Variants in TMEM132B observed in about 807,000 individuals in gnomAD.
TMEM132B encodes the protein transmembrane protein 132B.
Under a neutral mutation model 90.8 loss-of-function variants are expected in TMEM132B, and 18 were observed. The ratio of observed to expected loss-of-function variants is 0.20; its 90% CI spans 0.14 to 0.29. The LOEUF (loss-of-function observed/expected upper bound fraction) is 0.29. TMEM132B is among the 10% of genes least tolerant of loss of function. The pLI is 1.00. For missense variants in TMEM132B, 1,096 were observed against 1,326.8 expected (o/e 0.83, Z 2.70); for synonymous variants, 504 against 523.3 (o/e 0.96, Z 0.50).
rs762678510 is a variant in TMEM132B, at chr12:125,415,432, A to T, written c.960-99A>T. On this transcript the variant is annotated intron_variant, in intron 2 of 8. Transcript: ENST00000682704. The surrounding 1 kb of genome is among the most constrained non-coding windows in gnomAD (Gnocchi z 5.3). Reference sequence around the variant, plus strand: ...CCAGAGGAAGGGGGCGATGTTACAGATGCTTTCCCAGTGATCTGCTCTCGT... The same window carrying T: ...CCAGAGGAAGGGGGCGATGTTACAGTTGCTTTCCCAGTGATCTGCTCTCGT... The T allele has an allele frequency of 7.7e-6, 11 of 1,421,482 alleles. No homozygotes were observed. Among genetic ancestry groups the T allele is most frequent in the Non-Finnish European group, 1.0e-5 (11 of 1,056,822 alleles). 88.1% of individuals were successfully genotyped at this position (1,421,482 alleles called of 1,614,324 possible).
chr12:125,438,427 G>A (rs1054939643), intron 3 of TMEM132B, among the ~76,000 whole-genome samples: 3 of 152,196 alleles, frequency 2.0e-5, no homozygotes, highest in African/African-American at 7.2e-5. Context: ...CAGGTGCGTG[G>A]TATGGCCAGG....
At position 125,432,485 on chromosome 12, in the gene TMEM132B, ATG is replaced by A. The variant is rs1555248822; in HGVS notation, c.1106+16810_1106+16811del. Among the ~76,000 whole-genome samples, 22 of 78,264 alleles carry A rather than the reference ATG, an allele frequency of 2.8e-4. 3 individuals are homozygous for A. The highest frequency in any genetic ancestry group is 1.7e-3 in the African/African-American group (22 of 12,868). The allele number at this position is 78,264 out of a possible 152,430, so 51.3% of individuals were successfully genotyped here. On this transcript the variant is annotated intron_variant, in intron 3 of 8. Coordinates refer to ENST00000682704, the MANE Select transcript of TMEM132B (RefSeq NM_001366854.1). ...TGTATATATATGTATGTGTATATAT[ATG>A]TATGTGTATATATATGTGTGTGTGT...
chr12:125,515,591 TCA>T (rs749950020), intron 3 of TMEM132B, among the ~76,000 whole-genome samples: 31 of 150,132 alleles, frequency 2.1e-4, no homozygotes, highest in South Asian at 1.3e-3. Context: ...ACATTCCCTC[TCA>T]CACACACTCA....
At chr12:125,253,978 A>G (rs1282331425) in intron 1 of TMEM132B, among the ~76,000 whole-genome samples, 1 of 152,102 alleles carries the variant, frequency 6.6e-6, no homozygotes, top group Non-Finnish European at 1.5e-5. Context: ...AAATGGGCGA[A>G]GGAGGGAAGG....
intron 3 of TMEM132B, among the ~76,000 whole-genome samples, chr12:125,517,341 T>TGCA (rs1566060718): frequency 2.7e-5 from 1 of 37,644 alleles, no homozygotes; most frequent in Non-Finnish European, 4.3e-5. Flanking sequence ...TTTTTTTTTT[T>TGCA]TTTTTTTTTT....
At chr12:125,619,900 G>A (rs1268068149) in intron 5 of TMEM132B, among the ~76,000 whole-genome samples, 5 of 152,188 alleles carry the variant, frequency 3.3e-5, no homozygotes, top group Admixed American at 3.3e-4. Context: ...GTTGAAACAA[G>A]CACCCTCTGT....
intron 4 of TMEM132B, among the ~76,000 whole-genome samples, chr12:125,534,010 A>T (rs1026628802): frequency 6.6e-6 from 1 of 152,228 alleles, no homozygotes; most frequent in African/African-American, 2.4e-5. Context: ...AAGTCCACGT[A>T]TGGGCAGAGA....
chr12:125,488,515 C>G (rs1289554090), intron 3 of TMEM132B, among the ~76,000 whole-genome samples: 1 of 152,086 alleles, frequency 6.6e-6, no homozygotes, highest in Non-Finnish European at 1.5e-5. Context: ...GTGAATGAGT[C>G]TCATGAGATC....
intron 1 of TMEM132B, among the ~76,000 whole-genome samples, chr12:125,238,184 A>G (rs888581625): frequency 6.6e-6 from 1 of 151,406 alleles, no homozygotes; most frequent in Non-Finnish European, 1.5e-5. Flanking sequence ...AGGTTATTGC[A>G]TATTTTCTCT....
At chr12:125,491,644 C>G (rs951832008) in intron 3 of TMEM132B, among the ~76,000 whole-genome samples, 5 of 152,248 alleles carry the variant, frequency 3.3e-5, no homozygotes, top group African/African-American at 1.2e-4. Context: ...CACCAGAGAA[C>G]CCACTGTGGA....
At chr12:125,499,162 T>C (rs1433844793) in intron 3 of TMEM132B, among the ~76,000 whole-genome samples, 5 of 152,242 alleles carry the variant, frequency 3.3e-5, no homozygotes. Context: ...CTGCTGTCTG[T>C]GTAGACATTT....
intron 1 of TMEM132B, among the ~76,000 whole-genome samples, chr12:125,305,525 C>T (rs919921078): frequency 1.3e-5 from 2 of 152,200 alleles, no homozygotes; most frequent in Admixed American, 6.5e-5. Context: ...TCCATGGCAT[C>T]GCGGACAGTT....
chr12:125,390,214 A>T (rs1196751051), intron 2 of TMEM132B, among the ~76,000 whole-genome samples: 1 of 152,272 alleles, frequency 6.6e-6, no homozygotes, highest in Non-Finnish European at 1.5e-5. Flanking sequence ...TTATTTATAA[A>T]GGCCCCAAAC....
chr12:125,313,914 C>T (rs751864222), intron 1 of TMEM132B, among the ~76,000 whole-genome samples: 5 of 151,646 alleles, frequency 3.3e-5, no homozygotes, highest in Non-Finnish European at 5.9e-5. Flanking sequence ...TCCTGTGTGT[C>T]GCCAAAGTGT....
chr12:125,548,748 A>G (rs1426380748), intron 4 of TMEM132B, among the ~76,000 whole-genome samples: 2 of 152,340 alleles, frequency 1.3e-5, no homozygotes, highest in Middle Eastern at 3.4e-3. Context: ...AGGAGTTGAC[A>G]TGGTTTATGT....
chr12:125,255,464 A>C (rs996133743), intron 1 of TMEM132B, among the ~76,000 whole-genome samples: 4 of 152,216 alleles, frequency 2.6e-5, no homozygotes, highest in Non-Finnish European at 5.9e-5. Flanking sequence ...AAAAATCCGC[A>C]GACTTTCCTA....
At chr12:125,413,816 A>G (rs150586998) in intron 2 of TMEM132B, among the ~76,000 whole-genome samples, 2 of 152,268 alleles carry the variant, frequency 1.3e-5, no homozygotes, top group African/African-American at 2.4e-5. Flanking sequence ...GTGTACAAGT[A>G]TTTGTTTGAG....
At chr12:125,495,379 C>T (rs562991089) in intron 3 of TMEM132B, among the ~76,000 whole-genome samples, 1 of 151,968 alleles carries the variant, frequency 6.6e-6, no homozygotes, top group South Asian at 2.1e-4. Flanking sequence ...CCGTGTCCCT[C>T]CAAGGCTGTA....
In TMEM132B at chr12:125,585,450, T is replaced by A. The variant is rs551302795; in HGVS notation, c.1437+1456T>A. On this transcript the variant is annotated intron_variant, in intron 5 of 8. Coordinates refer to ENST00000682704, the MANE Select transcript of TMEM132B (RefSeq NM_001366854.1). ...GGTTGCTATTGACAATGCGCAAGTTTTACACTATTTTTACTATTCCCATGT... is the reference window on the plus strand; with the variant it reads ...GGTTGCTATTGACAATGCGCAAGTTATACACTATTTTTACTATTCCCATGT... The A allele has an allele frequency of 1.3e-3, 204 of 152,320 alleles. 1 individual carries two copies. The highest frequency in any genetic ancestry group is 4.6e-3 in the African/African-American group (193 of 41,566). 9.4% of individuals were successfully genotyped at this position (152,320 alleles called of 1,614,324 possible). A position where few individuals can be genotyped will look rare whatever the true frequency, so the allele number is the denominator to read the frequency against.
Sources: gnomAD v4.1 joint callset for allele counts (sites outside exome capture counted in the v4.1 genomes callset) on GRCh38, gnomAD v4.1.1 for gene constraint, Gnocchi (gnomAD v3.1) non-coding constraint, MANE v1.5 for transcripts, NCBI Gene and HGNC (gene_info 2026-07-23, HGNC 2026-07-21) for gene names.